The following COL6A5 variants were observed in gnomAD, a reference collection of about 807,000 sequenced individuals.
The protein encoded by COL6A5 is collagen alpha-5(VI) chain.
In COL6A5, 48 loss-of-function variants were observed where a neutral mutation model predicts 65.6. The observed-to-expected ratio is 0.73, with a 90% CI of 0.58 to 0.93. The LOEUF (loss-of-function observed/expected upper bound fraction) is 0.93. Among genes scored for constraint, COL6A5 ranks in the 40% least tolerant of loss-of-function variants. The pLI, the probability that COL6A5 is intolerant of heterozygous loss-of-function variation, is 0.00. For synonymous variants in COL6A5, 291 were observed against 322.8 expected (o/e 0.90, Z 1.05); for missense variants, 914 against 928.3 (o/e 0.98, Z 0.20).
rs945889245 is a variant in COL6A5 at position 130,401,963 on chromosome 3, G to T, written c.4227+109G>T. ...GCCTTCACTCTATGCTAATGGAATTGCTTTGGACATTTCATGTGACTTTTT... is the reference window on the plus strand; with the variant it reads ...GCCTTCACTCTATGCTAATGGAATTTCTTTGGACATTTCATGTGACTTTTT... On this transcript the variant is annotated intron_variant and NMD_transcript_variant, in intron 12 of 41. Transcript: ENST00000312481. 7.8e-6 allele frequency: 6 copies of T among 764,338 alleles called. No individual in the cohort carries two copies. In the African/African-American group the frequency reaches 1.1e-4, roughly 13 times the overall value. The allele number at this position is 764,338 out of a possible 1,614,324, so 47.3% of individuals were successfully genotyped here.
rs749031759 is a variant in COL6A5 at position 130,484,021 on chromosome 3, G to A, written c.2329-14G>A. 1.9e-6 allele frequency: 3 copies of A among 1,606,284 alleles called. No individual in the cohort carries two copies. Among genetic ancestry groups the A allele is most frequent in the East Asian group, 4.5e-5 (2 of 44,758 alleles). On this transcript the variant is annotated splice_polypyrimidine_tract_variant and intron_variant, in intron 7 of 7. Transcript: ENST00000512836. ...AATGACATTAAAAGCAGTGAATATT[G>A]TTATATTTTGCAGATGGTGAAGATA... is the stretch of plus-strand genomic sequence containing the variant.
At chr3:130,426,662 C>T (rs1266375495), upstream of COL6A5, among the ~76,000 whole-genome samples, 1 of 152,056 alleles carries the variant, frequency 6.6e-6, no homozygotes, top group Non-Finnish European at 1.5e-5. Flanking sequence ...TAGAGAAAAA[C>T]CCAAAAGATG....
chr3:130,409,688 A>G (rs1473614468), intron 18 of COL6A5, among the ~76,000 whole-genome samples: 3 of 152,186 alleles, frequency 2.0e-5, no homozygotes, highest in African/African-American at 7.2e-5. Flanking sequence ...AGACTTAGTT[A>G]CGGGGGAATC....
rs971507688 is a variant in COL6A5 at position 130,408,252 on chromosome 3, C to T, written c.4480-1074C>T. On this transcript the variant is annotated intron_variant and NMD_transcript_variant, in intron 17 of 41. Coordinates refer to the COL6A5 transcript ENST00000312481. ...TCAGCAAGGAATCACCCTGGGAAAA[C>T]GAATGCATTCCCGGTGTGGGGGTGG... Among the ~76,000 whole-genome samples, 7 of 129,228 alleles carry T rather than the reference C, an allele frequency of 5.4e-5. No homozygotes were observed. The East Asian group carries it at 9.0e-4, about 17-fold the overall frequency. 84.8% of individuals were successfully genotyped at this position (129,228 alleles called of 152,430 possible).
intron 1 of COL6A5, among the ~76,000 whole-genome samples, chr3:130,435,888 A>T (rs1577507225): frequency 6.9e-6 from 1 of 145,654 alleles, no homozygotes; most frequent in African/African-American, 2.5e-5. Flanking sequence ...CAAACAGACA[A>T]CTTGACTTCC....
At chr3:130,367,068 G>A (rs1041013303) in intron 1 of COL6A5, among the ~76,000 whole-genome samples, 3 of 152,176 alleles carry the variant, frequency 2.0e-5, no homozygotes, top group Non-Finnish European at 2.9e-5. Flanking sequence ...TTATCTATAA[G>A]CAGCAGTGTT....
At chr3:130,401,917 G>A (rs1211967964) in intron 12 of COL6A5, 63 bp downstream of exon 12, 2 of 1,197,410 alleles carry the variant, frequency 1.7e-6, no homozygotes, top group Non-Finnish European at 2.4e-6. Flanking sequence ...GTGGGACTGA[G>A]ACTGAGTGGT....
chr3:130,429,260 T>C (rs746826468), upstream of COL6A5, among the ~76,000 whole-genome samples: 1 of 152,222 alleles, frequency 6.6e-6, no homozygotes, highest in Non-Finnish European at 1.5e-5. Flanking sequence ...TCAGCTATCT[T>C]GCTGTTTAAT....
At chr3:130,422,846 TA>T in intron 28 of COL6A5, 64 bp downstream of exon 28, 1 of 1,042,814 alleles carries the variant, frequency 9.6e-7, no homozygotes, top group Non-Finnish European at 1.4e-6. Flanking sequence ...TTTTATGTTA[TA>T]ATAATAAATG....
At chr3:130,484,768 C>T (rs1710331297) in exon 8 of COL6A5, 1 of 398,846 alleles carries the variant, frequency 2.5e-6, no homozygotes. Context: ...CACAGATACT[C>T]TATATGACCA....
chr3:130,473,465 C>A (rs1449941062), intron 7 of COL6A5, among the ~76,000 whole-genome samples: 1 of 151,962 alleles, frequency 6.6e-6, no homozygotes, highest in Non-Finnish European at 1.5e-5. Context: ...CATGGGTTTG[C>A]TTTGAAGGCA....
In COL6A5 at chr3:130,454,867, A is replaced by G. The variant is rs182509417; in HGVS notation, c.1333-588A>G. Reference sequence around the variant, plus strand: ...ATCTAAAACTCTGAAAATGCTGGACATGGTGGCTCACACCTGTAATCTAAG... The same window carrying G: ...ATCTAAAACTCTGAAAATGCTGGACGTGGTGGCTCACACCTGTAATCTAAG... On this transcript the variant is annotated intron_variant, in intron 4 of 7. Coordinates refer to ENST00000512836, the Ensembl canonical transcript of COL6A5. Among the ~76,000 whole-genome samples, 7 of 152,254 alleles carry G rather than the reference A, an allele frequency of 4.6e-5. No homozygotes were observed. In the East Asian group the frequency reaches 9.7e-4, roughly 21 times the overall value.
intron 17 of COL6A5, among the ~76,000 whole-genome samples, chr3:130,407,749 A>G (rs1020010549): frequency 6.6e-6 from 1 of 152,190 alleles, no homozygotes; most frequent in Non-Finnish European, 1.5e-5. Flanking sequence ...CAGAAAATAG[A>G]GAGTCAGTCA....
At chr3:130,373,917 TTTAA>T (rs1198164567) in intron 2 of COL6A5, among the ~76,000 whole-genome samples, 1 of 152,164 alleles carries the variant, frequency 6.6e-6, no homozygotes, top group East Asian at 1.9e-4. Flanking sequence ...CTAGAAAAAC[TTTAA>T]TTATCCATTA....
At chr3:130,353,275 T>G (rs1307055447) in intron 1 of COL6A5, among the ~76,000 whole-genome samples, 2 of 152,102 alleles carry the variant, frequency 1.3e-5, no homozygotes, top group African/African-American at 4.8e-5. Context: ...ACTTTACTCC[T>G]CCCACAAACA....
chr3:130,395,337 A>G, exon 8 of COL6A5: 1 of 1,550,896 alleles, frequency 6.4e-7, no homozygotes, highest in Non-Finnish European at 8.7e-7. Context: ...GATGTTTATA[A>G]GGAACATCTC....
intron 1 of COL6A5, among the ~76,000 whole-genome samples, chr3:130,351,377 A>G (rs1345701540): frequency 3.3e-5 from 5 of 152,230 alleles, no homozygotes; most frequent in African/African-American, 1.2e-4. Context: ...TGAACAGGCA[A>G]CCTACAAAAT....
intron 4 of COL6A5, among the ~76,000 whole-genome samples, chr3:130,384,199 C>G (rs1577451881): frequency 6.6e-6 from 1 of 151,872 alleles, no homozygotes; most frequent in Non-Finnish European, 1.5e-5. Context: ...GGGACACGTT[C>G]TAAAGACAGA....
chr3:130,469,234 C>G (rs761088557), exon 6 of COL6A5: 2 of 1,613,278 alleles, frequency 1.2e-6, no homozygotes, highest in Non-Finnish European at 1.7e-6. Flanking sequence ...ACAAAGTTAT[C>G]TTTGTAATAT....
Sources: allele counts gnomAD v4.1 joint callset (sites outside exome capture counted in the v4.1 genomes callset), GRCh38; gene constraint gnomAD v4.1.1; transcripts MANE v1.5; gene names NCBI Gene and HGNC (gene_info 2026-07-23, HGNC 2026-07-21).